The following STON1 variants were observed in gnomAD, a reference collection of about 807,000 sequenced individuals.
STON1 encodes stonin 1, also known as stonin-1.
A neutral mutation model predicts 60.9 loss-of-function variants in STON1; 79 were observed. The ratio of observed to expected loss-of-function variants is 1.30; its 90% CI spans 1.08 to 1.56. STON1 has a LOEUF of 1.56. Ranked by LOEUF, STON1 falls within the 40% of genes most tolerant of loss-of-function variation. STON1 has a pLI of 0.00. For synonymous variants in STON1, 363 were observed against 306.9 expected, an observed-to-expected ratio of 1.18 and a Z score of -1.91; for missense variants, 1,166 against 858.9, an observed-to-expected ratio of 1.36 and a Z score of -4.47.
intron 1 of STON1, among the ~76,000 whole-genome samples, chr2:48,579,196 G>C (rs927378196): frequency 2.6e-5 from 4 of 151,550 alleles, no homozygotes; most frequent in African/African-American, 7.3e-5. Context: ...GTAGAGATGG[G>C]GTTTCTCCAT....
chr2:48,531,413 C>G (rs983087104), intron 1 of STON1: 2 of 152,218 alleles, frequency 1.3e-5, no homozygotes, highest in Non-Finnish European at 2.9e-5. Flanking sequence ...ATGGACTCCC[C>G]TGGACTCTGA....
At chr2:48,549,808 CTCAAAAAAAAAA>C (rs1672018157) in intron 1 of STON1, among the ~76,000 whole-genome samples, 1 of 72,950 alleles carries the variant, frequency 1.4e-5, no homozygotes, top group East Asian at 3.9e-4. Flanking sequence ...GTGACTCCAT[CTCAAAAAAAAAA>C]AAAAAAAAAA....
intron 1 of STON1, among the ~76,000 whole-genome samples, chr2:48,552,847 T>A (rs1352727059): frequency 1.3e-5 from 2 of 152,222 alleles, no homozygotes; most frequent in African/African-American, 4.8e-5. Context: ...ATGTATGTTT[T>A]ATCACAGAAA....
At chr2:48,569,649 TC>T (rs1467773909) in intron 1 of STON1, among the ~76,000 whole-genome samples, 7 of 152,250 alleles carry the variant, frequency 4.6e-5, no homozygotes, top group African/African-American at 7.2e-5. Flanking sequence ...ATGAATTTTT[TC>T]CTATGATGGC....
At chr2:48,578,579 T>C (rs1409219545) in intron 1 of STON1, among the ~76,000 whole-genome samples, 1 of 119,226 alleles carries the variant, frequency 8.4e-6, no homozygotes, top group African/African-American at 3.2e-5. Flanking sequence ...TCCTCCTCCT[T>C]CCTTTTTTTT....
chr2:48,550,790 G>A (rs894874051), intron 1 of STON1, among the ~76,000 whole-genome samples: 2 of 151,418 alleles, frequency 1.3e-5, no homozygotes, highest in African/African-American at 4.8e-5. Flanking sequence ...ATTTCAAGGT[G>A]TATGCCTGGA....
intron 1 of STON1, among the ~76,000 whole-genome samples, chr2:48,550,286 T>A (rs1217777438): frequency 1.3e-5 from 2 of 151,936 alleles, no homozygotes; most frequent in Non-Finnish European, 2.9e-5. Context: ...TCACCTGAGG[T>A]CAGGAGTTTG....
rs201775589 is a variant in STON1, at chr2:48,581,163, G to C, written c.530G>C (p.Arg177Pro). The part of the protein sequence containing the change: ...SDDLPQFQYF[R>P]EDCAFSSPFW... ...GATCTCCCCCAGTTTCAGTATTTTC[G>C]AGAGGACTGTGCTTTTTCAAGTCCA... The change falls in exon 2 of 4, where the codon CGA becomes CCA. Residue 177 changes from arginine to proline, a missense_variant. Physicochemically the swap from Arg to Pro is moderately radical, Grantham distance 103 (BLOSUM62 -2). Coordinates refer to ENST00000404752, the MANE Select transcript of STON1 (RefSeq NM_006873.4). The C allele has an allele frequency of 6.4e-7, 1 of 1,554,178 alleles. No homozygotes were observed. Among genetic ancestry groups the C allele is most frequent in the Non-Finnish European group, 8.6e-7 (1 of 1,157,712 alleles).
intron 1 of STON1, among the ~76,000 whole-genome samples, chr2:48,564,455 CTT>C (rs1222443426): frequency 1.1e-4 from 6 of 53,578 alleles, no homozygotes; most frequent in African/African-American, 4.2e-4. Context: ...TCTTCTTCTT[CTT>C]CTTCTTCTTC....
At chr2:48,564,418 T>C (rs1223480882) in intron 1 of STON1, among the ~76,000 whole-genome samples, 1 of 37,618 alleles carries the variant, frequency 2.7e-5, no homozygotes, top group African/African-American at 9.5e-5. Flanking sequence ...TTCTTCTTCT[T>C]CTTCTTCTTC....
intron 3 of STON1, among the ~76,000 whole-genome samples, chr2:48,594,314 G>A (rs1674683037): frequency 6.6e-6 from 1 of 152,090 alleles, no homozygotes; most frequent in Non-Finnish European, 1.5e-5. Context: ...CCTATTCACA[G>A]GGCATGCCAG....
At chr2:48,592,425 G>A (rs1260518218) in intron 3 of STON1, among the ~76,000 whole-genome samples, 1 of 150,660 alleles carries the variant, frequency 6.6e-6, no homozygotes, top group Non-Finnish European at 1.5e-5. Context: ...ACTCTATTAT[G>A]GTAGTTTTCA....
chr2:48,539,057 A>G (rs1671549714), intron 1 of STON1, among the ~76,000 whole-genome samples: 1 of 152,024 alleles, frequency 6.6e-6, no homozygotes, highest in African/African-American at 2.4e-5. Flanking sequence ...AGCTGAGACT[A>G]CAGGTGCGCA....
intron 1 of STON1, among the ~76,000 whole-genome samples, chr2:48,550,171 C>G (rs1378693033): frequency 6.6e-6 from 1 of 152,070 alleles, no homozygotes; most frequent in Admixed American, 6.6e-5. Flanking sequence ...CAGCAGCTAT[C>G]AACAAGTACT....
intron 1 of STON1, among the ~76,000 whole-genome samples, chr2:48,555,180 C>A (rs1346971509): frequency 1.0e-5 from 1 of 100,364 alleles, no homozygotes; most frequent in African/African-American, 3.8e-5. Flanking sequence ...CCCGCCTTTC[C>A]CGCCTTTCTA....
rs564566471 is a variant in STON1, at chr2:48,597,751, A to G, written c.*2449A>G. The G allele has an allele frequency of 6.6e-6, 1 of 152,624 alleles. No individual in the cohort carries two copies. Among genetic ancestry groups the G allele is most frequent in the Admixed American group, 6.5e-5 (1 of 15,286 alleles). 9.5% of individuals were successfully genotyped at this position (152,624 alleles called of 1,614,324 possible). A position where few individuals can be genotyped will look rare whatever the true frequency, so the allele number is the denominator to read the frequency against. On this transcript the variant is annotated 3_prime_UTR_variant, in exon 4 of 4. Coordinates refer to ENST00000404752, the MANE Select transcript of STON1 (RefSeq NM_006873.4). ...CATCTATTAGGATCCTTAAATATTC[A>G]TTACTTAATGTTAAATTAACATTCT...
At chr2:48,549,089 G>A (rs1020580038) in intron 1 of STON1, among the ~76,000 whole-genome samples, 1 of 152,174 alleles carries the variant, frequency 6.6e-6, no homozygotes, top group Non-Finnish European at 1.5e-5. Context: ...TAGCACTGGA[G>A]TCACAAAGAA....
intron 3 of STON1, among the ~76,000 whole-genome samples, chr2:48,594,407 C>G (rs1394834909): frequency 1.3e-5 from 2 of 152,116 alleles, no homozygotes; most frequent in African/African-American, 4.8e-5. Context: ...TGATGTGCAC[C>G]TGGTGGCAGT....
chr2:48,556,939 A>C (rs1572943849), intron 1 of STON1, among the ~76,000 whole-genome samples: 1 of 10,072 alleles, frequency 9.9e-5, no homozygotes. Context: ...GGCGCCCCTC[A>C]CCTCCCGGAC....
Sources: gnomAD v4.1 joint callset for allele counts (sites outside exome capture counted in the v4.1 genomes callset) on GRCh38, gnomAD v4.1.1 for gene constraint, MANE v1.5 for transcripts, NCBI Gene and HGNC (gene_info 2026-07-23, HGNC 2026-07-21) for gene names.